LMOD1: variants seen among roughly 807,000 people sequenced by gnomAD.
The protein encoded by LMOD1 is leiomodin-1.
Under a neutral mutation model 36.5 loss-of-function variants are expected in LMOD1, and 8 were observed. The observed-to-expected ratio is 0.22, with a 90% CI of 0.13 to 0.40. The LOEUF is 0.40. Among genes scored for constraint, LMOD1 ranks in the 10% least tolerant of loss-of-function variants. LMOD1 has a pLI of 1.00. For missense variants in LMOD1, 630 were observed against 751.1 expected (o/e 0.84, Z 1.88); for synonymous variants, 284 against 288.7 (o/e 0.98, Z 0.17).
chr1:201,916,178 G>A (rs538211518), intron 1 of LMOD1, among the ~76,000 whole-genome samples: 101 of 152,006 alleles, frequency 6.6e-4, no homozygotes, highest in African/African-American at 2.4e-3. Context: ...TTGGCCTCTC[G>A]GAGTGCTGAG....
In LMOD1 at chr1:201,899,657, G is replaced by A; in HGVS notation, c.1356C>T (p.Tyr452=). 6.2e-7 allele frequency: 1 copy of A among 1,613,792 alleles called. No individual in the cohort carries two copies. The highest frequency in any genetic ancestry group is 8.5e-7 in the Non-Finnish European group (1 of 1,179,824). ...TTCGGGGCCCGGCCAGCTCAAAATG[G>A]TAGCCCAGCTTGAGCAGGGTAGTAT... is the stretch of plus-strand genomic sequence containing the variant. ...KENTTLLKLG[Y]HFELAGPRMT... Residue 452 remains tyrosine, a synonymous_variant, in exon 2 of 3, where the codon TAC becomes TAT. Coordinates refer to ENST00000367288, the MANE Select transcript of LMOD1 (RefSeq NM_012134.3). The surrounding 1 kb of genome is among the most constrained non-coding windows in gnomAD (Gnocchi z 6.3).
intron 1 of LMOD1, among the ~76,000 whole-genome samples, chr1:201,931,493 G>T (rs1014939570): frequency 6.8e-6 from 1 of 146,976 alleles, no homozygotes; most frequent in Non-Finnish European, 1.5e-5. Context: ...AGCTGAGATG[G>T]TGCCACTGCA....
chr1:201,909,397 A>C (rs1466888443), intron 1 of LMOD1, among the ~76,000 whole-genome samples: 1 of 152,042 alleles, frequency 6.6e-6, no homozygotes, highest in Non-Finnish European at 1.5e-5. Flanking sequence ...TTGAGCCCAT[A>C]TTTCTTTCTT....
intron 1 of LMOD1, among the ~76,000 whole-genome samples, chr1:201,907,565 T>C (rs967276794): frequency 6.6e-6 from 1 of 152,172 alleles, no homozygotes; most frequent in Non-Finnish European, 1.5e-5. Flanking sequence ...AATGACCATG[T>C]ATTAAGCCCT....
chr1:201,937,275 A>G (rs1474985507), intron 1 of LMOD1, among the ~76,000 whole-genome samples: 1 of 151,878 alleles, frequency 6.6e-6, no homozygotes, highest in Non-Finnish European at 1.5e-5. Context: ...GGGAGACCCC[A>G]GTATCTACAA....
At position 201,899,701 on chromosome 1, in the gene LMOD1, C is replaced by T. The variant is rs753025774; in HGVS notation, c.1312G>A (p.Ala438Thr). ...GTAGTATTCTCCTTCAGCAGCTTGG[C>T]GATCTCCATCTCCGTCTTGCCTCCA... ...ICGGKTEMEI[A>T]KLLKENTTLL... Residue 438 changes from alanine to threonine, a missense_variant, in exon 2 of 3, where the codon GCC becomes ACC. Ala to Thr is a moderately conservative substitution (Grantham distance 58). Transcript: ENST00000367288. The surrounding 1 kb of genome is among the most constrained non-coding windows in gnomAD (Gnocchi z 6.3). The T allele has an allele frequency of 5.0e-6, 8 of 1,613,914 alleles. No homozygotes were observed. The highest frequency in any genetic ancestry group is 1.1e-5 in the South Asian group (1 of 91,080).
At chr1:201,924,160 C>CAAA (rs569997969) in intron 1 of LMOD1, among the ~76,000 whole-genome samples, 5,654 of 137,192 alleles carry the variant, frequency 0.041, 287 homozygotes, top group East Asian at 0.27. Flanking sequence ...AATAAAATAC[C>CAAA]AAAAAAAAAA....
At chr1:201,937,672 G>A (rs149570935) in intron 1 of LMOD1, among the ~76,000 whole-genome samples, 18 of 152,010 alleles carry the variant, frequency 1.2e-4, no homozygotes, top group Admixed American at 3.9e-4. Flanking sequence ...GGGCTGAGGC[G>A]GGAGGATTGC....
intron 1 of LMOD1, among the ~76,000 whole-genome samples, 186 bp from the exon 2 acceptor site, chr1:201,900,937 T>G (rs1318963041): frequency 1.3e-5 from 2 of 152,160 alleles, no homozygotes; most frequent in African/African-American, 2.4e-5. Context: ...AGGTTTAAGC[T>G]GCAGAAATGG....
intron 1 of LMOD1, 117 bp from the exon 2 acceptor site, chr1:201,900,868 T>C: frequency 1.1e-6 from 1 of 881,890 alleles, no homozygotes; most frequent in Non-Finnish European, 1.7e-6. Context: ...TGAAGGACAG[T>C]TGTGCTGTTT....
At chr1:201,920,834 GC>G (rs752612342) in intron 1 of LMOD1, among the ~76,000 whole-genome samples, 34 of 151,940 alleles carry the variant, frequency 2.2e-4, no homozygotes, top group South Asian at 1.3e-3. Flanking sequence ...TTTGAGACCA[GC>G]CTGGGCAACA....
At chr1:201,920,236 T>C (rs1681681777) in intron 1 of LMOD1, among the ~76,000 whole-genome samples, 1 of 151,832 alleles carries the variant, frequency 6.6e-6, no homozygotes, top group Non-Finnish European at 1.5e-5. Context: ...ATTTTTGTAT[T>C]TTTAGCAGAG....
chr1:201,899,131 T>C lies in LMOD1; in HGVS notation c.1776+106A>G. On this transcript the variant is annotated intron_variant, in intron 2 of 2. Coordinates refer to ENST00000367288, the MANE Select transcript of LMOD1 (RefSeq NM_012134.3). The surrounding 1 kb of genome is among the most constrained non-coding windows in gnomAD (Gnocchi z 6.3). ...ATGGGCCCTGGGAGTCTATATCATC[T>C]GCAGCCGACATAAGCTCCTCTGCAT... The C allele has an allele frequency of 1.9e-6, 2 of 1,058,916 alleles. No individual in the cohort carries two copies. The highest frequency in any genetic ancestry group is 2.7e-6 in the Non-Finnish European group (2 of 750,026). 65.6% of individuals were successfully genotyped at this position (1,058,916 alleles called of 1,614,324 possible). A position where few individuals can be genotyped will look rare whatever the true frequency, so the allele number is the denominator to read the frequency against.
At chr1:201,906,637 G>T (rs1681417881) in intron 1 of LMOD1, among the ~76,000 whole-genome samples, 1 of 152,200 alleles carries the variant, frequency 6.6e-6, no homozygotes, top group Non-Finnish European at 1.5e-5. Flanking sequence ...GGGACCGGGG[G>T]AGTTCACCCA....
intron 2 of LMOD1, 142 bp from the exon 3 acceptor site, chr1:201,898,540 C>T: frequency 1.5e-6 from 1 of 662,940 alleles, no homozygotes. Context: ...GAGCATTTTT[C>T]ATTGTCTGTA....
chr1:201,898,150 T>C lies in LMOD1; in HGVS notation c.*222A>G, dbSNP rs1365627427. On this transcript the variant is annotated 3_prime_UTR_variant, in exon 3 of 3. Coordinates refer to ENST00000367288, the MANE Select transcript of LMOD1 (RefSeq NM_012134.3). ...TTCTTGTCCAGAAACCTGAGCTCCATGTACTAAAGCAAAATTTGGAGAGCC... is the reference window on the plus strand; with the variant it reads ...TTCTTGTCCAGAAACCTGAGCTCCACGTACTAAAGCAAAATTTGGAGAGCC... 5.1e-6 allele frequency: 3 copies of C among 593,456 alleles called. No individual in the cohort carries two copies. Among genetic ancestry groups the C allele is most frequent in the Non-Finnish European group, 6.1e-6 (2 of 328,966 alleles). 36.8% of individuals were successfully genotyped at this position (593,456 alleles called of 1,614,324 possible).
intron 1 of LMOD1, among the ~76,000 whole-genome samples, chr1:201,916,996 C>T (rs943093466): frequency 6.6e-6 from 1 of 152,178 alleles, no homozygotes; most frequent in African/African-American, 2.4e-5. Flanking sequence ...CTGATGCAGT[C>T]CTGCGGGAGA....
rs769355630 is a variant in LMOD1, at chr1:201,900,052, G to A, written c.961C>T (p.Pro321Ser). The A allele has an allele frequency of 1.9e-6, 3 of 1,613,654 alleles. No individual in the cohort carries two copies. Among genetic ancestry groups the A allele is most frequent in the African/African-American group, 2.7e-5 (2 of 74,902 alleles). Reference sequence around the variant, plus strand: ...TCATTGTTCTTCACTCTCTCCAGAGGCTCATCAAATATGCTGGGAGCTGCC... The same window carrying A: ...TCATTGTTCTTCACTCTCTCCAGAGACTCATCAAATATGCTGGGAGCTGCC... ...EEAAPSIFDE[P>S]LERVKNNDPE... The change falls in exon 2 of 3, where the codon CCT becomes TCT. Residue 321 changes from proline (P) to serine (S), a missense_variant. Transcript: ENST00000367288.
At chr1:201,914,734 C>T (rs1012513373) in intron 1 of LMOD1, among the ~76,000 whole-genome samples, 2 of 152,052 alleles carry the variant, frequency 1.3e-5, no homozygotes, top group Non-Finnish European at 2.9e-5. Context: ...TCCCTCTCCT[C>T]CTGCCCAGGC....
Sources: gnomAD v4.1 joint callset for allele counts (sites outside exome capture counted in the v4.1 genomes callset) on GRCh38, gnomAD v4.1.1 for gene constraint, Gnocchi (gnomAD v3.1) non-coding constraint, MANE v1.5 for transcripts, NCBI Gene and HGNC (gene_info 2026-07-23, HGNC 2026-07-21) for gene names.